IGFBP2: variants seen among roughly 807,000 people sequenced by gnomAD.
IGFBP2 encodes insulin like growth factor binding protein 2.
IGFBP2 carries 12 observed loss-of-function variants against 26.2 expected under a neutral mutation model. The ratio of observed to expected loss-of-function variants is 0.46; its 90% CI spans 0.29 to 0.74. The LOEUF (loss-of-function observed/expected upper bound fraction) is 0.74, where lower values mean the gene tolerates loss of function less well. IGFBP2 is among the 30% of genes least tolerant of loss of function. The pLI is 0.09. For missense variants in IGFBP2, 328 were observed against 441.2 expected, an observed-to-expected ratio of 0.74 and a Z score of 2.30; for synonymous variants, 189 against 200.6, an observed-to-expected ratio of 0.94 and a Z score of 0.49.
chr2:216,664,021 A>C lies in IGFBP2; in HGVS notation c.895A>C (p.Thr299Pro). The C allele has an allele frequency of 6.2e-7, 1 of 1,614,018 alleles. No homozygotes were observed. The highest frequency in any genetic ancestry group is 1.7e-5 in the Admixed American group (1 of 60,018). Residue 299 changes from threonine to proline, a missense_variant, in exon 4 of 4, where the codon ACC becomes CCC. By Grantham distance (38) the Thr-to-Pro change is conservative. Transcript: ENST00000233809. The surrounding 1 kb of genome is among the most constrained non-coding windows in gnomAD (Gnocchi z 4.6). ...CGGGAAGCTGATCCAGGGAGCCCCC[A>C]CCATCCGGGGGGACCCCGAGTGTCA... ...NTGKLIQGAP[T>P]IRGDPECHLF...
At chr2:216,662,304 G>A in intron 3 of IGFBP2, 2 of 379,904 alleles carry the variant, frequency 5.3e-6, no homozygotes, top group Non-Finnish European at 9.8e-6. Flanking sequence ...TCTTTGCTTT[G>A]ATCGGACATT....
chr2:216,647,753 C>T (rs972648406), intron 1 of IGFBP2, among the ~76,000 whole-genome samples: 1 of 152,180 alleles, frequency 6.6e-6, no homozygotes, highest in Admixed American at 6.5e-5. Context: ...ATTTGCTGAC[C>T]TCGTGATCTG....
At chr2:216,658,766 G>A (rs564353467) in intron 1 of IGFBP2, among the ~76,000 whole-genome samples, 1 of 151,936 alleles carries the variant, frequency 6.6e-6, no homozygotes, top group African/African-American at 2.4e-5. Flanking sequence ...TGGCCAGGCT[G>A]GTCTTGAATT....
rs545535499 is a variant in IGFBP2, at chr2:216,646,504, T to C, written c.442+12539T>C. ...AAAAAGAGTTAATGTAACAGGGTAC[T>C]CTTGGGCAAGTGCTAGATGCTCTTT... On this transcript the variant is annotated intron_variant, in intron 1 of 3. Coordinates refer to ENST00000233809, the MANE Select transcript of IGFBP2 (RefSeq NM_000597.3). Among the ~76,000 whole-genome samples, 12 of 152,368 alleles carry C rather than the reference T, an allele frequency of 7.9e-5. 1 individual carries two copies. The highest frequency in any genetic ancestry group is 2.6e-4 in the African/African-American group (11 of 41,596).
chr2:216,647,649 A>C (rs1259744417), intron 1 of IGFBP2, among the ~76,000 whole-genome samples: 1 of 151,896 alleles, frequency 6.6e-6, no homozygotes. Context: ...CCTCCTGAGT[A>C]GCTGGGACTA....
chr2:216,646,784 G>A (rs996896113), intron 1 of IGFBP2, among the ~76,000 whole-genome samples: 21 of 152,300 alleles, frequency 1.4e-4, no homozygotes, highest in South Asian at 2.1e-4. Context: ...GACCTACCCC[G>A]ATGATTCAAT....
rs1697961646 is a variant in IGFBP2 at position 216,658,517 on chromosome 2, C to T, written c.443-2040C>T. Among the ~76,000 whole-genome samples, 3 of 146,036 alleles carry T rather than the reference C, an allele frequency of 2.1e-5. No individual in the cohort carries two copies. The Admixed American group carries it at 2.2e-4, about 11-fold the overall frequency. ...ACATGGATATAGAATTTCTGTGCTC[C>T]AGGTCGTCTTTTATTTATTTATTTA... On this transcript the variant is annotated intron_variant, in intron 1 of 3. Transcript: ENST00000233809.
chr2:216,662,193 G>T, intron 3 of IGFBP2, 195 bp downstream of exon 3: 1 of 629,082 alleles, frequency 1.6e-6, no homozygotes. Flanking sequence ...TGCCTCCGAC[G>T]GGTCAGTTGC....
intron 1 of IGFBP2, among the ~76,000 whole-genome samples, chr2:216,647,710 C>T (rs1340284729): frequency 7.2e-5 from 11 of 152,134 alleles, no homozygotes; most frequent in Admixed American, 2.6e-4. Flanking sequence ...TTAGTAGAGA[C>T]GGGGTTTCAC....
At chr2:216,661,527 A>C in intron 2 of IGFBP2, 1 of 407,692 alleles carries the variant, frequency 2.5e-6, no homozygotes, top group Admixed American at 3.6e-5. Context: ...GAGCTTGGGC[A>C]TGGGGTGGGG....
Position 216,633,499 on chromosome 2 carries a change from C to A in IGFBP2, c.-25C>A. 1.5e-6 allele frequency: 1 copy of A among 678,890 alleles called. No homozygotes were observed. The highest frequency in any genetic ancestry group is 1.8e-6 in the Non-Finnish European group (1 of 547,310). 42.1% of individuals were successfully genotyped at this position (678,890 alleles called of 1,614,324 possible). A position where few individuals can be genotyped will look rare whatever the true frequency, so the allele number is the denominator to read the frequency against. On this transcript the variant is annotated 5_prime_UTR_variant, in exon 1 of 4. Coordinates refer to ENST00000233809, the MANE Select transcript of IGFBP2 (RefSeq NM_000597.3). ...GCCCGCCCGCTCGCTCGCTCGCCCG[C>A]CGCGCCGCGCTGCCGACCGCCAGCA...
In IGFBP2 at chr2:216,662,015, C is replaced by T. The variant is rs754545166; in HGVS notation, c.813+17C>T. The T allele has an allele frequency of 6.2e-7, 1 of 1,613,214 alleles. No individual in the cohort carries two copies. The highest frequency in any genetic ancestry group is 8.5e-7 in the Non-Finnish European group (1 of 1,179,476). Reference sequence around the variant, plus strand: ...CTCAAACAGGTGAGCATGGTGCCAGCCTGGGCCAGAGCAGCTCCTCCTCAG... The same window carrying T: ...CTCAAACAGGTGAGCATGGTGCCAGTCTGGGCCAGAGCAGCTCCTCCTCAG... On this transcript the variant is annotated intron_variant, in intron 3 of 3. Transcript: ENST00000233809.
chr2:216,646,808 G>T (rs372083558), intron 1 of IGFBP2, among the ~76,000 whole-genome samples: 1 of 152,128 alleles, frequency 6.6e-6, no homozygotes, highest in Non-Finnish European at 1.5e-5. Context: ...CTCCCACTGG[G>T]TCCCTCCTAC....
At chr2:216,643,678 A>G (rs182596265) in intron 1 of IGFBP2, among the ~76,000 whole-genome samples, 30 of 151,690 alleles carry the variant, frequency 2.0e-4, no homozygotes, top group Admixed American at 1.6e-3. Context: ...AAAAAAAAAA[A>G]TTGCAAAAAA....
chr2:216,648,433 G>A (rs1442174784), intron 1 of IGFBP2, among the ~76,000 whole-genome samples: 1 of 152,156 alleles, frequency 6.6e-6, no homozygotes, highest in Non-Finnish European at 1.5e-5. Context: ...GTTCTGACTG[G>A]TGGACAAGTG....
At chr2:216,645,586 G>A (rs747104722) in intron 1 of IGFBP2, among the ~76,000 whole-genome samples, 9 of 152,216 alleles carry the variant, frequency 5.9e-5, no homozygotes, top group Non-Finnish European at 8.8e-5. Flanking sequence ...TGCAAGCCAC[G>A]TAGCACAGAA....
chr2:216,661,453 CCT>C (rs1688645979), intron 2 of IGFBP2: 1 of 349,780 alleles, frequency 2.9e-6, no homozygotes, highest in African/African-American at 2.1e-5. Context: ...CTACCCCTCC[CCT>C]CTTTCCTGCC....
intron 1 of IGFBP2, among the ~76,000 whole-genome samples, chr2:216,656,390 G>C (rs1342202500): frequency 6.6e-6 from 1 of 152,210 alleles, no homozygotes; most frequent in Non-Finnish European, 1.5e-5. Context: ...GCGGAATATA[G>C]TGGAGCTAGA....
chr2:216,635,375 C>T (rs1009872006), intron 1 of IGFBP2, among the ~76,000 whole-genome samples: 1 of 152,096 alleles, frequency 6.6e-6, no homozygotes, highest in South Asian at 2.1e-4. Context: ...AAGGAAAAAG[C>T]CCCCACGAAA....
Sources: gnomAD v4.1 joint callset for allele counts (sites outside exome capture counted in the v4.1 genomes callset) on GRCh38, gnomAD v4.1.1 for gene constraint, Gnocchi (gnomAD v3.1) non-coding constraint, MANE v1.5 for transcripts, NCBI Gene and HGNC (gene_info 2026-07-23, HGNC 2026-07-21) for gene names.